MORF4L1: variants seen among roughly 807,000 people sequenced by gnomAD.
The protein encoded by MORF4L1 is mortality factor 4 like 1, also known as mortality factor 4-like protein 1.
Under a neutral mutation model 52.9 loss-of-function variants are expected in MORF4L1, and 4 were observed. The observed-to-expected ratio is 0.08, with a 90% confidence interval of 0.04 to 0.17. The LOEUF is 0.17. MORF4L1 is among the 10% of genes least tolerant of loss of function. MORF4L1 has a pLI of 1.00. For synonymous variants in MORF4L1, 123 were observed against 134.8 expected, an observed-to-expected ratio of 0.91 and a Z score of 0.61; for missense variants, 214 against 390.4, an observed-to-expected ratio of 0.55 and a Z score of 3.81.
In MORF4L1 at chr15:78,872,953, G is replaced by A. The variant is rs1235130095; in HGVS notation, c.-65G>A. ...GCGCGTCTGACGCGGAGTTGGGTGGGGTAGAGAGTAGGGGGCGGTAGTCGG... is the reference window on the plus strand; with the variant it reads ...GCGCGTCTGACGCGGAGTTGGGTGGAGTAGAGAGTAGGGGGCGGTAGTCGG... On this transcript the variant is annotated 5_prime_UTR_variant, in exon 1 of 12. Transcript: ENST00000426013. 5 of 1,538,296 alleles carry A rather than the reference G, an allele frequency of 3.3e-6. No individual in the cohort carries two copies. Among genetic ancestry groups the A allele is most frequent in the South Asian group, 2.4e-5 (2 of 83,318 alleles).
chr15:78,873,227 T>C lies in MORF4L1; in HGVS notation c.40+170T>C, dbSNP rs574432297. 57 of 1,511,908 alleles carry C rather than the reference T, an allele frequency of 3.8e-5. 1 individual carries two copies. In the South Asian group the frequency reaches 6.8e-4, roughly 18 times the overall value. 93.7% of individuals were successfully genotyped at this position (1,511,908 alleles called of 1,614,324 possible). The stretch of plus-strand genomic sequence containing the variant: ...TGCGGATGGCAATTCCGGTGCGTCA[T>C]TGTGAGAAAGCGCTTTGTGAAGCGA... On this transcript the variant is annotated intron_variant, in intron 1 of 11. Transcript: ENST00000426013.
rs1351078191 is a variant in MORF4L1 at position 78,888,530 on chromosome 15, T to TA, written c.323+1186dup. Among the ~76,000 whole-genome samples the TA allele has an allele frequency of 2.0e-5, 3 of 152,152 alleles. No homozygotes were observed. The East Asian group carries it at 5.8e-4, about 29-fold the overall frequency. On this transcript the variant is annotated intron_variant, in intron 5 of 11. Coordinates refer to ENST00000426013, the MANE Select transcript of MORF4L1 (RefSeq NM_006791.4). ...AAGTATTCTTAAGTATTTGTAATAA[T>TA]AAAAACAAAAATTATAACTTTTATT...
At chr15:78,873,862 G>A (rs761487176) in intron 1 of MORF4L1, 1 of 152,280 alleles carries the variant, frequency 6.6e-6, no homozygotes, top group Admixed American at 6.5e-5. Flanking sequence ...TCGCTTTGCA[G>A]TTGCTCGTAA....
At chr15:78,890,861 C>A in intron 5 of MORF4L1, 128 bp from the exon 6 acceptor site, 1 of 853,398 alleles carries the variant, frequency 1.2e-6, no homozygotes, top group Non-Finnish European at 1.6e-6. Flanking sequence ...CTGAGTAGGA[C>A]ACATATTTAC....
chr15:78,880,491 T>C (rs914781807), intron 2 of MORF4L1, 21 bp from the exon 3 acceptor site: 4 of 1,548,880 alleles, frequency 2.6e-6, no homozygotes, highest in Admixed American at 1.8e-5. Context: ...AGTGAATTAT[T>C]ATTTTTTTTT....
In MORF4L1 at chr15:78,879,222, C is replaced by T. The variant is rs113601131; in HGVS notation, c.87+963C>T. 4.0e-3 allele frequency among the ~76,000 whole-genome samples: 609 copies of T among 151,920 alleles called. 5 individuals carry two copies. Among genetic ancestry groups the T allele is most frequent in the African/African-American group, 0.014 (573 of 41,398 alleles). On this transcript the variant is annotated intron_variant, in intron 2 of 11. Coordinates refer to ENST00000426013, the MANE Select transcript of MORF4L1 (RefSeq NM_006791.4). ...TCTCTCTCTCTTTATTTTTATGCTC[C>T]CCGCCCCGCCCCGCCCCCCAAGACA... is the stretch of plus-strand genomic sequence containing the variant.
At chr15:78,896,159 A>G (rs565020598) in intron 11 of MORF4L1, among the ~76,000 whole-genome samples, 51 of 151,642 alleles carry the variant, frequency 3.4e-4, no homozygotes, top group African/African-American at 1.2e-3. Flanking sequence ...TTGTATTTTT[A>G]GTAGAGATGG....
chr15:78,884,661 ACACAC>A (rs775550489), intron 3 of MORF4L1, among the ~76,000 whole-genome samples: 458 of 33,762 alleles, frequency 0.014, 7 homozygotes, highest in South Asian at 0.039. Context: ...AAAAAAAAAT[ACACAC>A]ACACACACAC....
At chr15:78,889,582 G>A (rs1377034404) in intron 5 of MORF4L1, among the ~76,000 whole-genome samples, 1 of 152,154 alleles carries the variant, frequency 6.6e-6, no homozygotes, top group African/African-American at 2.4e-5. Context: ...AAAGGATTGA[G>A]TGTGAAGACT....
chr15:78,894,314 CA>C, intron 10 of MORF4L1, 84 bp downstream of exon 10: 1 of 1,046,732 alleles, frequency 9.6e-7, no homozygotes, highest in Non-Finnish European at 1.3e-6. Context: ...ATTAACTTTC[CA>C]AAACATGACT....
At chr15:78,891,776 C>G (rs1171527131) in intron 7 of MORF4L1, 3 of 527,982 alleles carry the variant, frequency 5.7e-6, no homozygotes, top group Admixed American at 3.5e-5. Context: ...CCCAATTGAT[C>G]ATTTGTTGTG....
chr15:78,873,069 C>T lies in MORF4L1; in HGVS notation c.40+12C>T, dbSNP rs1288719943. The T allele has an allele frequency of 5.8e-6, 9 of 1,550,810 alleles. No homozygotes were observed. Among genetic ancestry groups the T allele is most frequent in the Non-Finnish European group, 6.1e-6 (7 of 1,146,648 alleles). The stretch of plus-strand genomic sequence containing the variant: ...TAAATTCCAGGAGGGTGAGTGTGCG[C>T]CTTTGGGAAAAAGGCACCTAACGGC... On this transcript the variant is annotated intron_variant, in intron 1 of 11. Coordinates refer to ENST00000426013, the MANE Select transcript of MORF4L1 (RefSeq NM_006791.4).
rs763339131 is a variant in MORF4L1 at position 78,880,500 on chromosome 15, T to C, written c.88-12T>C. ...TTTCTAAGTGAATTATTATTTTTTTTTTGAATTTCAGTGTGTAAAGGTTGC... is the reference window on the plus strand; with the variant it reads ...TTTCTAAGTGAATTATTATTTTTTTCTTGAATTTCAGTGTGTAAAGGTTGC... On this transcript the variant is annotated splice_polypyrimidine_tract_variant and intron_variant, in intron 2 of 11. Coordinates refer to ENST00000426013, the MANE Select transcript of MORF4L1 (RefSeq NM_006791.4). The C allele has an allele frequency of 1.2e-5, 19 of 1,575,688 alleles. No individual in the cohort carries two copies. Among genetic ancestry groups the C allele is most frequent in the Non-Finnish European group, 1.6e-5 (19 of 1,159,446 alleles).
chr15:78,892,580 T>G (rs2056819675), intron 8 of MORF4L1: 2 of 302,262 alleles, frequency 6.6e-6, no homozygotes, highest in South Asian at 6.2e-5. Flanking sequence ...GAACTCGTTC[T>G]GAAAATTCAT....
rs761841363 is a variant in MORF4L1 at position 78,891,514 on chromosome 15, G to A, written c.380G>A (p.Ser127Asn). 1.2e-6 allele frequency: 2 copies of A among 1,614,134 alleles called. No homozygotes were observed. Among genetic ancestry groups the A allele is most frequent in the Admixed American group, 3.3e-5 (2 of 60,024 alleles). Residue 127 changes from serine (S) to asparagine (N), a missense_variant, in exon 7 of 12, where the codon AGT (serine) becomes AAT (asparagine). Coordinates refer to ENST00000426013, the MANE Select transcript of MORF4L1 (RefSeq NM_006791.4). The part of the protein sequence containing the change: ...TPGNGDGGST[S>N]ETPQPPRKKR... Reference sequence around the variant, plus strand: ...GGAAATGGAGATGGTGGCAGTACCAGTGAGACCCCTCAGCCTCCTCGGAAG... The same window carrying A: ...GGAAATGGAGATGGTGGCAGTACCAATGAGACCCCTCAGCCTCCTCGGAAG...
chr15:78,881,246 T>C (rs1357362970), intron 3 of MORF4L1, among the ~76,000 whole-genome samples: 1 of 124,154 alleles, frequency 8.1e-6, no homozygotes, highest in Admixed American at 1.1e-4. Context: ...CAGGCTGGAG[T>C]GTGCAATGGT....
At chr15:78,875,639 T>C (rs1192441945) in intron 1 of MORF4L1, among the ~76,000 whole-genome samples, 1 of 151,804 alleles carries the variant, frequency 6.6e-6, no homozygotes, top group Admixed American at 6.6e-5. Flanking sequence ...ATACAAAAAT[T>C]AGCAGGGCGT....
chr15:78,880,481 A>G (rs760763934), intron 2 of MORF4L1, 31 bp from the exon 3 acceptor site: 1 of 1,526,458 alleles, frequency 6.6e-7, no homozygotes. Flanking sequence ...AAAATTTCTA[A>G]GTGAATTATT....
At chr15:78,896,625 T>A (rs992563799) in intron 11 of MORF4L1, among the ~76,000 whole-genome samples, 9 of 152,252 alleles carry the variant, frequency 5.9e-5, no homozygotes, top group African/African-American at 1.7e-4. Context: ...ATTTTTTTTT[T>A]AGAAAATGTC....
Sources: gnomAD v4.1 joint callset for allele counts (sites outside exome capture counted in the v4.1 genomes callset) on GRCh38, gnomAD v4.1.1 for gene constraint, MANE v1.5 for transcripts, NCBI Gene and HGNC (gene_info 2026-07-23, HGNC 2026-07-21) for gene names.